The following GRIP2 variants were observed in gnomAD, a reference collection of about 807,000 sequenced individuals.
GRIP2 encodes the protein glutamate receptor-interacting protein 2.
A neutral mutation model predicts 108.3 loss-of-function variants in GRIP2; 58 were observed. The ratio of observed to expected loss-of-function variants is 0.54; its 90% CI spans 0.43 to 0.67. The LOEUF is 0.67. GRIP2 is among the 30% of genes least tolerant of loss of function. The probability of loss-of-function intolerance (pLI) is 0.00; values close to 1 mark genes in which losing one functional copy is unlikely to be tolerated. For synonymous variants in GRIP2, 586 were observed against 598.2 expected, an observed-to-expected ratio of 0.98 and a Z score of 0.30; for missense variants, 1,278 against 1,430.6, an observed-to-expected ratio of 0.89 and a Z score of 1.72.
chr3:14,592,973 T>C, the GRIP2 span, among the ~76,000 whole-genome samples: 1 of 152,314 alleles, frequency 6.6e-6, no homozygotes, highest in African/African-American at 2.4e-5. Context: ...GGAGCCACAA[T>C]GCTGCCACCA....
chr3:14,518,295 G>C (rs1231130097), intron 9 of GRIP2, among the ~76,000 whole-genome samples: 1 of 152,198 alleles, frequency 6.6e-6, no homozygotes, highest in African/African-American at 2.4e-5. Context: ...CAGCACTTTG[G>C]GGATATGCAG....
At chr3:14,541,379 C>T (rs1694965878), upstream of GRIP2, among the ~76,000 whole-genome samples, 1 of 152,206 alleles carries the variant, frequency 6.6e-6, no homozygotes, top group Non-Finnish European at 1.5e-5. Context: ...GCCTGGCTCC[C>T]ATGGAGTTCC....
intron 1 of GRIP2, among the ~76,000 whole-genome samples, chr3:14,549,895 G>A (rs1695117061): frequency 6.6e-6 from 1 of 152,278 alleles, no homozygotes; most frequent in South Asian, 2.1e-4. Flanking sequence ...CAGATTCTGT[G>A]TCCTCATGGT....
upstream of GRIP2, chr3:14,540,385 G>A (rs537300482): frequency 1.2e-5 from 19 of 1,610,588 alleles, 1 homozygote; most frequent in South Asian, 1.9e-4. This position sits in a 1 kb window ranked among gnomAD's most constrained non-coding sequence, Gnocchi z 4.1. Flanking sequence ...CCTCCCCAGG[G>A]AGGGGCTGTG....
the GRIP2 span, chr3:14,574,061 C>T: frequency 6.6e-7 from 1 of 1,504,042 alleles, no homozygotes; most frequent in Non-Finnish European, 9.2e-7. Flanking sequence ...GCTGCACGTA[C>T]TTGACGTTCT....
At chr3:14,559,853 T>C (rs1695291397), upstream of GRIP2, among the ~76,000 whole-genome samples, 2 of 152,334 alleles carry the variant, frequency 1.3e-5, no homozygotes, top group African/African-American at 4.8e-5. Flanking sequence ...CTGCACCTCA[T>C]AGTGCTGCAG....
chr3:14,552,355 CAGG>C (rs1370973339), intron 1 of GRIP2, among the ~76,000 whole-genome samples: 1 of 152,188 alleles, frequency 6.6e-6, no homozygotes, highest in Non-Finnish European at 1.5e-5. Flanking sequence ...AGACAAAGCT[CAGG>C]AGGGCAAGGA....
the GRIP2 span, among the ~76,000 whole-genome samples, chr3:14,584,444 G>T: frequency 1.3e-5 from 2 of 152,178 alleles, no homozygotes; most frequent in Non-Finnish European, 2.9e-5. Flanking sequence ...GGCTTGCTGC[G>T]TGACTCTGTG....
intron 9 of GRIP2, 31 bp from the exon 10 acceptor site, chr3:14,517,928 G>GCTC: frequency 1.3e-6 from 2 of 1,509,886 alleles, no homozygotes; most frequent in Non-Finnish European, 1.8e-6. Context: ...GGAAAGAGAG[G>GCTC]TGCAGGCGTT....
At position 14,507,641 on chromosome 3, in the gene GRIP2, C is replaced by T. The variant is rs1353966722; in HGVS notation, c.2138G>A (p.Gly713Asp). Residue 713 changes from glycine (G) to aspartate (D), a missense_variant, in exon 18 of 24, where the codon GGC (glycine) becomes GAC (aspartate). Transcript: ENST00000621039. This position sits in a 1 kb window ranked among gnomAD's most constrained non-coding sequence, Gnocchi z 4.6. ...GTGGATGGCCTCGCTCAGCGGCCGG[C>T]CCTTGAGGCTAACGTTGTTGATGGC... Reference protein sequence around the residue: ...ILAINNVSLKGRPLSEAIHLL... With the variant: ...ILAINNVSLKDRPLSEAIHLL... The T allele has an allele frequency of 6.2e-7, 1 of 1,614,034 alleles. No homozygotes were observed. Among genetic ancestry groups the T allele is most frequent in the Non-Finnish European group, 8.5e-7 (1 of 1,179,894 alleles).
chr3:14,496,750 T>C (rs964258089), intron 21 of GRIP2, among the ~76,000 whole-genome samples, 190 bp from the exon 22 acceptor site: 2 of 152,220 alleles, frequency 1.3e-5, no homozygotes, highest in Non-Finnish European at 2.9e-5. Flanking sequence ...ACACTAACAA[T>C]GAGAACAATA....
At chr3:14,534,651 C>T (rs530484821) in intron 1 of GRIP2, among the ~76,000 whole-genome samples, 2 of 152,192 alleles carry the variant, frequency 1.3e-5, no homozygotes, top group East Asian at 1.9e-4. Context: ...CAGCCAGTCC[C>T]GGCGAATGTG....
At chr3:14,584,541 A>T in the GRIP2 span, among the ~76,000 whole-genome samples, 1 of 152,192 alleles carries the variant, frequency 6.6e-6, no homozygotes, top group African/African-American at 2.4e-5. Context: ...GCTACAAGGA[A>T]GAGGATTTCG....
At chr3:14,558,216 A>C (rs1009039929), upstream of GRIP2, among the ~76,000 whole-genome samples, 2 of 152,232 alleles carry the variant, frequency 1.3e-5, no homozygotes, top group African/African-American at 4.8e-5. Flanking sequence ...GTCACACAGC[A>C]TGCATGCGGC....
chr3:14,572,211 C>T, the GRIP2 span, among the ~76,000 whole-genome samples: 2 of 151,866 alleles, frequency 1.3e-5, no homozygotes, highest in Non-Finnish European at 2.9e-5. Flanking sequence ...GAAAGTCCAA[C>T]CATGGTAGAA....
At chr3:14,570,238 G>A in the GRIP2 span, among the ~76,000 whole-genome samples, 1 of 152,238 alleles carries the variant, frequency 6.6e-6, no homozygotes, top group African/African-American at 2.4e-5. Context: ...CAGCATCACA[G>A]AGCTATTCCT....
At position 14,505,765 on chromosome 3, in the gene GRIP2, G is replaced by A; in HGVS notation, c.2423C>T (p.Ala808Val). 6.4e-7 allele frequency: 1 copy of A among 1,564,424 alleles called. No individual in the cohort carries two copies. Among genetic ancestry groups the A allele is most frequent in the Non-Finnish European group, 8.7e-7 (1 of 1,155,132 alleles). The change falls in exon 20 of 24, where the codon GCC becomes GTC. Residue 808 changes from alanine (A) to valine (V), a missense_variant. By Grantham distance (64) the Ala-to-Val change is moderately conservative (BLOSUM62 0). Transcript: ENST00000621039. This position sits in a 1 kb window ranked among gnomAD's most constrained non-coding sequence, Gnocchi z 4.2. ...GPGSYTPQAAARGTTPQERRP... is the reference protein window; with the variant it reads ...GPGSYTPQAAVRGTTPQERRP... ...CCGCTCCTGGGGGGTCGTGCCCCGG[G>A]CTGCTGCCTGTGGTGTATAGGACCC...
At chr3:14,515,362 G>T (rs1405023506) in intron 11 of GRIP2, among the ~76,000 whole-genome samples, 1 of 152,152 alleles carries the variant, frequency 6.6e-6, no homozygotes, top group Non-Finnish European at 1.5e-5. Flanking sequence ...ATATACCTAG[G>T]AGTGGAATTG....
the GRIP2 span, among the ~76,000 whole-genome samples, chr3:14,596,029 C>T: frequency 6.6e-6 from 1 of 152,242 alleles, no homozygotes; most frequent in Admixed American, 6.5e-5. Flanking sequence ...TGCCTTTGTT[C>T]CTACAAAGTG....
Sources: allele counts gnomAD v4.1 joint callset (sites outside exome capture counted in the v4.1 genomes callset), GRCh38; gene constraint gnomAD v4.1.1; non-coding constraint Gnocchi (gnomAD v3.1); transcripts MANE v1.5; gene names NCBI Gene and HGNC (gene_info 2026-07-23, HGNC 2026-07-21).